FBXL7: variants seen among roughly 807,000 people sequenced by gnomAD.
The protein encoded by FBXL7 is F-box/LRR-repeat protein 7.
FBXL7 carries 12 observed loss-of-function variants against 38.3 expected under a neutral mutation model. That is an observed-to-expected ratio of 0.31 (90% CI 0.20 to 0.51). FBXL7 has a LOEUF of 0.51. FBXL7 is among the 20% of genes least tolerant of loss of function. The pLI, the probability that FBXL7 is intolerant of heterozygous loss-of-function variation, is 0.98. For synonymous variants in FBXL7, 297 were observed against 300.9 expected (o/e 0.99, Z 0.13); for missense variants, 567 against 676.4 (o/e 0.84, Z 1.79).
intron 2 of FBXL7, among the ~76,000 whole-genome samples, chr5:15,653,694 T>A (rs1430795673): frequency 6.6e-6 from 1 of 152,192 alleles, no homozygotes; most frequent in Non-Finnish European, 1.5e-5. Context: ...ATTGACCAGT[T>A]AAAAGAGAAT....
At chr5:15,515,974 G>A (rs1015869758) in intron 1 of FBXL7, among the ~76,000 whole-genome samples, 5 of 151,984 alleles carry the variant, frequency 3.3e-5, no homozygotes, top group Admixed American at 6.6e-5. Flanking sequence ...TCACTACTAC[G>A]GGGATCCAGG....
At chr5:15,511,054 T>G (rs1736783883) in intron 1 of FBXL7, among the ~76,000 whole-genome samples, 1 of 152,174 alleles carries the variant, frequency 6.6e-6, no homozygotes, top group Non-Finnish European at 1.5e-5. Context: ...CCCAAATCTT[T>G]CCCAATCTTT....
intron 2 of FBXL7, among the ~76,000 whole-genome samples, chr5:15,663,681 G>T (rs756537757): frequency 5.3e-5 from 8 of 152,102 alleles, no homozygotes; most frequent in Non-Finnish European, 1.0e-4. Context: ...CTACTTTATC[G>T]TGGTGGATTA....
Position 15,885,656 on chromosome 5 carries a change from G to A in FBXL7, c.128-42234G>A, listed in dbSNP as rs1740645453. 2.0e-5 allele frequency among the ~76,000 whole-genome samples: 3 copies of A among 152,188 alleles called. No individual in the cohort carries two copies. In the South Asian group the frequency reaches 6.2e-4, roughly 31 times the overall value. On this transcript the variant is annotated intron_variant, in intron 2 of 3. Coordinates refer to ENST00000504595, the MANE Select transcript of FBXL7 (RefSeq NM_012304.5). ...TTCTCTAATGCCTGGTTCTGTATCTGTGGCCATATGTATAAGTCGCACTGG... is the reference window on the plus strand; with the variant it reads ...TTCTCTAATGCCTGGTTCTGTATCTATGGCCATATGTATAAGTCGCACTGG...
Position 15,813,817 on chromosome 5 carries a change from A to T in FBXL7, c.128-114073A>T, listed in dbSNP as rs111316252. 6.9e-3 allele frequency among the ~76,000 whole-genome samples: 1,046 copies of T among 152,326 alleles called. 11 individuals carry two copies. Among genetic ancestry groups the T allele is most frequent in the African/African-American group, 0.023 (976 of 41,570 alleles). On this transcript the variant is annotated intron_variant, in intron 2 of 3. Transcript: ENST00000504595. ...GAAGACATTTATGCGGTCAACAAAC[A>T]TGAAAAAAAAGCTCATCATCACTAG...
At chr5:15,719,486 C>CA (rs1397110973) in intron 2 of FBXL7, among the ~76,000 whole-genome samples, 1 of 148,548 alleles carries the variant, frequency 6.7e-6, no homozygotes, top group Non-Finnish European at 1.5e-5. Flanking sequence ...GCTAAATTAG[C>CA]AAGTGATCGC....
At chr5:15,780,653 C>G (rs1400022662) in intron 2 of FBXL7, among the ~76,000 whole-genome samples, 1 of 152,154 alleles carries the variant, frequency 6.6e-6, no homozygotes, top group Non-Finnish European at 1.5e-5. Context: ...CTGGGAACCT[C>G]TGGGAATGGT....
intron 2 of FBXL7, among the ~76,000 whole-genome samples, chr5:15,726,842 G>A (rs568223658): frequency 1.3e-5 from 2 of 151,928 alleles, no homozygotes; most frequent in Non-Finnish European, 1.5e-5. Context: ...TTATTGATTG[G>A]GAGGAACTTG....
At position 15,936,481 on chromosome 5, in the gene FBXL7, C is replaced by G; in HGVS notation, c.771C>G (p.Thr257=). The change falls in exon 4 of 4, where the codon ACC becomes ACG. Residue 257 remains threonine, a synonymous_variant. Transcript: ENST00000504595. This position sits in a 1 kb window ranked among gnomAD's most constrained non-coding sequence, Gnocchi z 6.0. ...CCAAAGTGACCTGCATCAGCTTGAC[C>G]CGGGAGGCCTCCATTAAACTGTCAC... ...GCSKVTCISL[T]REASIKLSPL... 1 of 1,613,304 alleles carries G rather than the reference C, an allele frequency of 6.2e-7. No homozygotes were observed.
chr5:15,742,466 C>T (rs1735916766), intron 2 of FBXL7, among the ~76,000 whole-genome samples: 2 of 152,146 alleles, frequency 1.3e-5, no homozygotes, highest in African/African-American at 4.8e-5. Flanking sequence ...TCATTTCCTC[C>T]CTACCCCCAG....
chr5:15,863,548 G>A (rs781109005), intron 2 of FBXL7, among the ~76,000 whole-genome samples: 4 of 152,084 alleles, frequency 2.6e-5, no homozygotes, highest in Non-Finnish European at 5.9e-5. Flanking sequence ...TTACTGTCTG[G>A]CACCATTTCT....
intron 2 of FBXL7, among the ~76,000 whole-genome samples, chr5:15,767,054 T>C (rs1736610368): frequency 6.6e-6 from 1 of 152,166 alleles, no homozygotes; most frequent in African/African-American, 2.4e-5. Flanking sequence ...TGTAGGTTTG[T>C]TTTATAGGCA....
At chr5:15,654,997 A>G (rs111911273) in intron 2 of FBXL7, among the ~76,000 whole-genome samples, 1 of 152,310 alleles carries the variant, frequency 6.6e-6, no homozygotes, top group African/African-American at 2.4e-5. Context: ...CTTATGCTAA[A>G]TGGGGATATG....
At chr5:15,801,633 CAGTGTGTGTG>C (rs1238601392) in intron 2 of FBXL7, among the ~76,000 whole-genome samples, 1 of 117,328 alleles carries the variant, frequency 8.5e-6, no homozygotes, top group Admixed American at 8.9e-5. Context: ...AAGGGGGAGT[CAGTGTGTGTG>C]TGTGTGTGTG....
intron 2 of FBXL7, among the ~76,000 whole-genome samples, chr5:15,784,293 A>G (rs939460419): frequency 1.3e-5 from 2 of 151,996 alleles, no homozygotes; most frequent in East Asian, 1.9e-4. Context: ...TTCAGGTTTG[A>G]ATTTTTGTTA....
intron 2 of FBXL7, among the ~76,000 whole-genome samples, chr5:15,828,220 A>T (rs115741511): frequency 6.6e-6 from 1 of 152,230 alleles, no homozygotes; most frequent in Non-Finnish European, 1.5e-5. Flanking sequence ...AGTCAGTGCT[A>T]TGTAGGTATT....
At chr5:15,538,671 T>C (rs2126403708) in intron 1 of FBXL7, among the ~76,000 whole-genome samples, 1 of 152,312 alleles carries the variant, frequency 6.6e-6, no homozygotes, top group Non-Finnish European at 1.5e-5. Flanking sequence ...GTCTTCCTTG[T>C]CTCCTGGCAG....
intron 2 of FBXL7, among the ~76,000 whole-genome samples, chr5:15,862,204 C>T (rs577993072): frequency 1.3e-5 from 2 of 152,302 alleles, no homozygotes; most frequent in African/African-American, 4.8e-5. Context: ...TTCCCCCATA[C>T]TGTTCTCGTG....
At chr5:15,933,481 A>C (rs114555764) in intron 3 of FBXL7, among the ~76,000 whole-genome samples, 3,390 of 152,304 alleles carry the variant, frequency 0.022, 127 homozygotes, top group African/African-American at 0.077. Context: ...CTACCATAGA[A>C]AAACAAATTC....
Sources: allele counts gnomAD v4.1 joint callset (sites outside exome capture counted in the v4.1 genomes callset), GRCh38; gene constraint gnomAD v4.1.1; non-coding constraint Gnocchi (gnomAD v3.1); transcripts MANE v1.5; gene names NCBI Gene and HGNC (gene_info 2026-07-23, HGNC 2026-07-21).